Variants in RPF1 observed in about 807,000 individuals in gnomAD.
The protein encoded by RPF1 is ribosome production factor 1 homolog.
A neutral mutation model predicts 41.9 loss-of-function variants in RPF1; 34 were observed. That is an observed-to-expected ratio of 0.81 (90% CI 0.62 to 1.08). RPF1 has a LOEUF of 1.08. RPF1 is among the 50% of genes least tolerant of loss of function. The pLI is 0.00. For missense variants in RPF1, 425 were observed against 435.2 expected (o/e 0.98, Z 0.21); for synonymous variants, 140 against 148.9 (o/e 0.94, Z 0.43).
rs17110157 is a variant in RPF1 at position 84,482,857 on chromosome 1, A to G, written c.286-58A>G. ...TGTAGCTTTCTGTTATTTTTCTCCA[A>G]CAGTAATATAATTAATGTAAAATCC... is the stretch of plus-strand genomic sequence containing the variant. On this transcript the variant is annotated intron_variant, in intron 2 of 8. Coordinates refer to ENST00000370654, the MANE Select transcript of RPF1 (RefSeq NM_025065.7). The G allele has an allele frequency of 0.035, 37,402 of 1,063,336 alleles. 1,165 individuals are homozygous for G. The highest frequency in any genetic ancestry group is 0.12 in the African/African-American group (7,770 of 63,126). The allele number at this position is 1,063,336 out of a possible 1,614,324, so 65.9% of individuals were successfully genotyped here. A position where few individuals can be genotyped will look rare whatever the true frequency, so the allele number is the denominator to read the frequency against.
intron 3 of RPF1, 113 bp downstream of exon 3, chr1:84,483,108 C>G (rs758668601): frequency 1.6e-5 from 10 of 609,074 alleles, no homozygotes; most frequent in Non-Finnish European, 3.0e-5. Flanking sequence ...TGGACTGATT[C>G]AGCTAAAATG....
At chr1:84,489,307 T>C (rs886711564) in intron 3 of RPF1, among the ~76,000 whole-genome samples, 5 of 152,148 alleles carry the variant, frequency 3.3e-5, no homozygotes, top group East Asian at 3.8e-4. Flanking sequence ...TTTTTGTTTG[T>C]TTGTTTTGTT....
Position 84,490,376 on chromosome 1 carries a change from T to C in RPF1, c.520T>C (p.Tyr174His). 2 of 1,612,338 alleles carry C rather than the reference T, an allele frequency of 1.2e-6. No homozygotes were observed. The highest frequency in any genetic ancestry group is 1.7e-6 in the Non-Finnish European group (2 of 1,179,112). Residue 174 changes from tyrosine (Y) to histidine (H), a missense_variant, in exon 5 of 9, where the codon TAC becomes CAC. By Grantham distance (83) the Tyr-to-His change is moderately conservative. Transcript: ENST00000370654. ...STVIPNSHVY[Y>H]RRGLALKKII... is the part of the protein sequence containing the mutation. The stretch of plus-strand genomic sequence containing the variant: ...AGTTATACCAAACTCACATGTTTAT[T>C]ACAGAAGAGGACTGGCTCTGAAAAA...
In RPF1 at chr1:84,495,353, T is replaced by C; in HGVS notation, c.617-20T>C. 8.4e-7 allele frequency: 1 copy of C among 1,186,730 alleles called. No individual in the cohort carries two copies. Among genetic ancestry groups the C allele is most frequent in the Non-Finnish European group, 1.2e-6 (1 of 810,030 alleles). 73.5% of individuals were successfully genotyped at this position (1,186,730 alleles called of 1,614,324 possible). A position where few individuals can be genotyped will look rare whatever the true frequency, so the allele number is the denominator to read the frequency against. On this transcript the variant is annotated intron_variant, in intron 5 of 8. Coordinates refer to ENST00000370654, the MANE Select transcript of RPF1 (RefSeq NM_025065.7). The stretch of plus-strand genomic sequence containing the variant: ...TTAGATTACAGAGTTCAATGTGTTT[T>C]TCTTAACTTTTATGAACAGATGGAC...
At chr1:84,484,949 G>C (rs2101883434) in intron 3 of RPF1, among the ~76,000 whole-genome samples, 1 of 152,228 alleles carries the variant, frequency 6.6e-6, no homozygotes, top group African/African-American at 2.4e-5. Flanking sequence ...TGGGATTACG[G>C]GCGTGAGCCA....
chr1:84,484,697 T>C (rs1681708018), intron 3 of RPF1, among the ~76,000 whole-genome samples: 1 of 151,740 alleles, frequency 6.6e-6, no homozygotes. Context: ...TTTTTTTTTT[T>C]TTCTCCGAGG....
intron 2 of RPF1, among the ~76,000 whole-genome samples, chr1:84,482,467 C>T (rs889681709): frequency 1.3e-5 from 2 of 152,082 alleles, no homozygotes; most frequent in Non-Finnish European, 2.9e-5. Context: ...ATAAATACCC[C>T]AAAGTAAAAT....
At chr1:84,483,641 C>T (rs1212436407) in intron 3 of RPF1, among the ~76,000 whole-genome samples, 1 of 152,128 alleles carries the variant, frequency 6.6e-6, no homozygotes, top group East Asian at 1.9e-4. Flanking sequence ...CTAAGAATAA[C>T]ATTTGATGCT....
At chr1:84,489,770 C>G (rs1459316791) in intron 4 of RPF1, 42 bp downstream of exon 4, 2 of 1,098,216 alleles carry the variant, frequency 1.8e-6, no homozygotes, top group Non-Finnish European at 2.8e-6. Context: ...TCTTAATTTT[C>G]TTATTACTTC....
chr1:84,480,144 A>G (rs1181416410), intron 1 of RPF1, among the ~76,000 whole-genome samples: 1 of 152,176 alleles, frequency 6.6e-6, no homozygotes, highest in Non-Finnish European at 1.5e-5. Flanking sequence ...CAATATTATT[A>G]TTATGTGTCT....
At chr1:84,487,461 AT>A (rs1681756322) in intron 3 of RPF1, among the ~76,000 whole-genome samples, 1 of 152,094 alleles carries the variant, frequency 6.6e-6, no homozygotes, top group Non-Finnish European at 1.5e-5. Context: ...CATGTAGTAT[AT>A]TTTACGCATT....
intron 5 of RPF1, among the ~76,000 whole-genome samples, chr1:84,493,284 A>G (rs1410460960): frequency 6.6e-6 from 1 of 151,334 alleles, no homozygotes; most frequent in Non-Finnish European, 1.5e-5. Context: ...TTAAAATGAT[A>G]GAATTCAAAC....
intron 3 of RPF1, among the ~76,000 whole-genome samples, chr1:84,485,699 C>A (rs948944820): frequency 1.3e-5 from 2 of 152,114 alleles, no homozygotes; most frequent in Non-Finnish European, 2.9e-5. Flanking sequence ...TGGTGCCTGC[C>A]AGGTTTCTCC....
At position 84,497,941 on chromosome 1, in the gene RPF1, T is replaced by C. The variant is rs1681973565; in HGVS notation, c.*471T>C. ...GTAAAAAATTTAAAGCAAAATGATC[T>C]ACCAGGGTTTAAAGCAAAGTTGCAA... On this transcript the variant is annotated 3_prime_UTR_variant, in exon 9 of 9. Transcript: ENST00000370654. Among the ~76,000 whole-genome samples the C allele has an allele frequency of 6.6e-6, 1 of 152,238 alleles. No individual in the cohort carries two copies.
chr1:84,496,806 TTGA>T (rs1681946669), intron 8 of RPF1, among the ~76,000 whole-genome samples: 1 of 152,210 alleles, frequency 6.6e-6, no homozygotes, highest in African/African-American at 2.4e-5. Context: ...TTGAGAACTA[TTGA>T]TAAGTTTTCT....
At chr1:84,483,726 C>T (rs982666591) in intron 3 of RPF1, among the ~76,000 whole-genome samples, 3 of 152,136 alleles carry the variant, frequency 2.0e-5, no homozygotes, top group Non-Finnish European at 4.4e-5. Context: ...TAGTTGGCAA[C>T]AGTGCAGAAA....
At position 84,495,908 on chromosome 1, in the gene RPF1, C is replaced by A. The variant is rs185909125; in HGVS notation, c.726C>A (p.His242Gln). 2.5e-6 allele frequency: 4 copies of A among 1,609,360 alleles called. No homozygotes were observed. In the East Asian group the frequency reaches 8.9e-5, roughly 36 times the overall value. ...GAAGAGGCAAGGACCCCACAGAACA[C>A]ATACCTGAAATAATTCTGAATAATT... ...IKRRGKDPTE[H>Q]IPEIILNNFT... The change falls in exon 7 of 9, where the codon CAC becomes CAA. Residue 242 changes from histidine to glutamine, a missense_variant. Transcript: ENST00000370654.
rs764160257 is a variant in RPF1, at chr1:84,490,449, T to C, written c.593T>C (p.Ile198Thr). The change falls in exon 5 of 9, where the codon ATT (isoleucine) becomes ACT (threonine). Residue 198 changes from isoleucine to threonine, a missense_variant. By Grantham distance (89) the Ile-to-Thr change is moderately conservative. Transcript: ENST00000370654. ...IARDFTDLIV[I>T]NEDRKTPNGL... ...AGAGATTTCACAGACCTGATTGTTA[T>C]TAATGAAGATCGTAAAACCCCAAGT... 13 of 1,598,238 alleles carry C rather than the reference T, an allele frequency of 8.1e-6. No homozygotes were observed. The highest frequency in any genetic ancestry group is 2.3e-5 in the South Asian group (2 of 86,496).
Position 84,479,529 on chromosome 1 carries a change from T to C in RPF1, c.228+20T>C. 6.2e-7 allele frequency: 1 copy of C among 1,610,448 alleles called. No individual in the cohort carries two copies. Among genetic ancestry groups the C allele is most frequent in the East Asian group, 2.2e-5 (1 of 44,830 alleles). On this transcript the variant is annotated intron_variant, in intron 1 of 8. Coordinates refer to ENST00000370654, the MANE Select transcript of RPF1 (RefSeq NM_025065.7). ...CGGAAGGTACGCGAGAGGCGGGGGC[T>C]GCCGGGCGCTTGCGCGTTGTTCCTG...
Sources: gnomAD v4.1 joint callset for allele counts (sites outside exome capture counted in the v4.1 genomes callset) on GRCh38, gnomAD v4.1.1 for gene constraint, MANE v1.5 for transcripts, NCBI Gene and HGNC (gene_info 2026-07-23, HGNC 2026-07-21) for gene names.